Variants in AP3B2 observed in about 807,000 individuals in gnomAD.
The protein encoded by AP3B2 is adaptor related protein complex 3 subunit beta 2, also known as AP-3 complex subunit beta-2.
A neutral mutation model predicts 126.9 loss-of-function variants in AP3B2; 50 were observed. That is an observed-to-expected ratio of 0.39 (90% confidence interval 0.31 to 0.50). The LOEUF is 0.50. Among genes scored for constraint, AP3B2 ranks in the 20% least tolerant of loss-of-function variants. AP3B2 has a pLI of 0.79. For synonymous variants in AP3B2, 541 were observed against 565.0 expected (o/e 0.96, Z 0.60); for missense variants, 1,177 against 1,426.4 (o/e 0.83, Z 2.82).
At position 82,663,993 on chromosome 15, in the gene AP3B2, G is replaced by A; in HGVS notation, c.2262-18C>T. The A allele has an allele frequency of 2.5e-6, 4 of 1,597,674 alleles. No individual in the cohort carries two copies. The highest frequency in any genetic ancestry group is 2.5e-6 in the Non-Finnish European group (3 of 1,177,854). Reference sequence around the variant, plus strand: ...TCTGTTCACTGAAGGAGTGGGAAAGGTTGGCTCAGGCCTGGCCTGGACACT... The same window carrying A: ...TCTGTTCACTGAAGGAGTGGGAAAGATTGGCTCAGGCCTGGCCTGGACACT... On this transcript the variant is annotated intron_variant, in intron 19 of 26. Coordinates refer to ENST00000535359, the MANE Select transcript of AP3B2 (RefSeq NM_001278512.2).
chr15:82,701,968 T>A (rs150967219), intron 1 of AP3B2, among the ~76,000 whole-genome samples: 1 of 152,300 alleles, frequency 6.6e-6, no homozygotes, highest in Non-Finnish European at 1.5e-5. Context: ...GACCACTCCC[T>A]CCTTCTTGAA....
chr15:82,689,578 G>A, intron 1 of AP3B2, 125 bp from the exon 2 acceptor site: 2 of 788,716 alleles, frequency 2.5e-6, no homozygotes, highest in African/African-American at 1.7e-5. Flanking sequence ...ACCCGAGGAG[G>A]GACCAGAGCC....
Position 82,662,180 on chromosome 15 carries a change from T to G in AP3B2, c.2906A>C (p.Asn969Thr), listed in dbSNP as rs763629268. The stretch of plus-strand genomic sequence containing the variant: ...GTTGGGCACATACCACAGCTGGAAG[T>G]TGGCTGCCTGGGTTGAGTCACAGAA... The part of the protein sequence containing the change: ...INFCDSTQAA[N>T]FQLCTQTRQF... The change falls in exon 24 of 27, where the codon AAC becomes ACC. Residue 969 changes from asparagine to threonine, a missense_variant. By Grantham distance (65) the Asn-to-Thr change is moderately conservative (BLOSUM62 0). Transcript: ENST00000535359. The G allele has an allele frequency of 6.2e-7, 1 of 1,601,280 alleles. No individual in the cohort carries two copies.
At chr15:82,698,700 G>A (rs1181203728) in intron 1 of AP3B2, among the ~76,000 whole-genome samples, 3 of 152,034 alleles carry the variant, frequency 2.0e-5, no homozygotes, top group East Asian at 1.9e-4. Context: ...CTGGGCTTCC[G>A]TGGAAGGAGG....
intron 14 of AP3B2, among the ~76,000 whole-genome samples, chr15:82,674,760 C>G (rs910883873): frequency 1.3e-5 from 2 of 152,056 alleles, no homozygotes; most frequent in African/African-American, 4.8e-5. Context: ...GTGGACAGGC[C>G]CAGGCTTATG....
rs1031101674 is a variant in AP3B2, at chr15:82,709,640, C to T, written c.67G>A (p.Gly23Ser). 2.7e-5 allele frequency: 41 copies of T among 1,521,362 alleles called. No individual in the cohort carries two copies. The highest frequency in any genetic ancestry group is 3.6e-5 in the Non-Finnish European group (41 of 1,137,562). 94.2% of individuals were successfully genotyped at this position (1,521,362 alleles called of 1,614,324 possible). The change falls in exon 1 of 27, where the codon GGC becomes AGC. Residue 23 changes from glycine (G) to serine (S), a missense_variant. This residue lies in a region of AP3B2 where 49 missense variants were observed against 39.3 expected (regional missense o/e 1.25). Coordinates refer to ENST00000535359, the MANE Select transcript of AP3B2 (RefSeq NM_001278512.2). Reference sequence around the variant, plus strand: ...ATGCCGCCGCTCGCGGGGTCGTGGCCGTACTCGGGCTCCCCGGGGCCAGCG... The same window carrying T: ...ATGCCGCCGCTCGCGGGGTCGTGGCTGTACTCGGGCTCCCCGGGGCCAGCG... The part of the protein sequence containing the change: ...GSAGPGEPEY[G>S]HDPASGGIFS...
Position 82,680,569 on chromosome 15 carries a change from C to T in AP3B2, c.958G>A (p.Val320Met). 5 of 1,582,734 alleles carry T rather than the reference C, an allele frequency of 3.2e-6. No homozygotes were observed. The highest frequency in any genetic ancestry group is 3.4e-6 in the Non-Finnish European group (4 of 1,171,664). Residue 320 changes from valine to methionine, a missense_variant, in exon 8 of 27, where the codon GTG becomes ATG. Val to Met is a conservative substitution (Grantham distance 21, BLOSUM62 1). This residue lies in a region of AP3B2 where 308 missense variants were observed against 452.4 expected (regional missense o/e 0.68). Coordinates refer to ENST00000535359, the MANE Select transcript of AP3B2 (RefSeq NM_001278512.2). This position sits in a 1 kb window ranked among gnomAD's most constrained non-coding sequence, Gnocchi z 6.1. ...KPLLQSRSAA[V>M]VMAVAQLYFH... ...TAGAGCTGCGCCACCGCCATCACCA[C>T]CGCGGCGCTGCGGCTCTGCAGCAGG...
chr15:82,700,397 C>CTTTTTTTTTTTTTTTTTTTTTTTTG (rs1226910164), intron 1 of AP3B2, among the ~76,000 whole-genome samples: 1 of 35,086 alleles, frequency 2.9e-5, no homozygotes, highest in Non-Finnish European at 5.1e-5. Flanking sequence ...TGGTGGGTGG[C>CTTTTTTTTTTTTTTTTTTTTTTTTG]TTTTTTTTTT....
At position 82,680,598 on chromosome 15, in the gene AP3B2, T is replaced by A. The variant is rs2048321347; in HGVS notation, c.929A>T (p.Lys310Ile). Reference sequence around the variant, plus strand: ...GGCGCTGCGGCTCTGCAGCAGGGGTTTGGTGTTGCGCAGCAGCAGCCGGTG... The same window carrying A: ...GGCGCTGCGGCTCTGCAGCAGGGGTATGGTGTTGCGCAGCAGCAGCCGGTG... Reference protein sequence around the residue: ...PDHRLLLRNTKPLLQSRSAAV... With the variant: ...PDHRLLLRNTIPLLQSRSAAV... Residue 310 changes from lysine (K) to isoleucine (I), a missense_variant, in exon 8 of 27, where the codon AAA becomes ATA. By Grantham distance (102) the Lys-to-Ile change is moderately radical. Around this residue, in one of 5 missense-constraint regions of AP3B2, gnomAD observed 308 missense variants for 452.4 expected, o/e 0.68. Coordinates refer to ENST00000535359, the MANE Select transcript of AP3B2 (RefSeq NM_001278512.2). The surrounding 1 kb of genome is among the most constrained non-coding windows in gnomAD (Gnocchi z 6.1). 3 of 1,595,200 alleles carry A rather than the reference T, an allele frequency of 1.9e-6. No homozygotes were observed. Among genetic ancestry groups the A allele is most frequent in the Non-Finnish European group, 2.5e-6 (3 of 1,177,276 alleles).
At chr15:82,700,610 G>C (rs914415836) in intron 1 of AP3B2, among the ~76,000 whole-genome samples, 2 of 151,200 alleles carry the variant, frequency 1.3e-5, no homozygotes, top group African/African-American at 4.9e-5. Flanking sequence ...TGTTGGTCAG[G>C]CTGGTCTCAA....
intron 1 of AP3B2, among the ~76,000 whole-genome samples, chr15:82,694,297 G>C (rs1310177575): frequency 2.6e-5 from 4 of 152,200 alleles, no homozygotes; most frequent in African/African-American, 7.2e-5. Flanking sequence ...GAGCCACTGT[G>C]CCAGGCCTAG....
At position 82,663,262 on chromosome 15, in the gene AP3B2, G is replaced by A. The variant is rs760771805; in HGVS notation, c.2498-29C>T. On this transcript the variant is annotated intron_variant, in intron 21 of 26. Coordinates refer to ENST00000535359, the MANE Select transcript of AP3B2 (RefSeq NM_001278512.2). ...TGGGAGTAGATAAGACTATGAGGAGGCAAAGTGGAGGTGGCTTGGGTTGAG... is the reference window on the plus strand; with the variant it reads ...TGGGAGTAGATAAGACTATGAGGAGACAAAGTGGAGGTGGCTTGGGTTGAG... 5.8e-6 allele frequency: 9 copies of A among 1,559,290 alleles called. No individual in the cohort carries two copies. In the Admixed American group the frequency reaches 8.6e-5, roughly 15 times the overall value.
At chr15:82,669,473 C>G (rs1022011083) in intron 14 of AP3B2, among the ~76,000 whole-genome samples, 2 of 146,130 alleles carry the variant, frequency 1.4e-5, no homozygotes, top group Non-Finnish European at 3.0e-5. Flanking sequence ...GCAGGCAGAT[C>G]GTGAGATCAA....
chr15:82,682,261 C>G (rs991085424), intron 4 of AP3B2, among the ~76,000 whole-genome samples: 23 of 152,066 alleles, frequency 1.5e-4, no homozygotes, highest in African/African-American at 5.1e-4. Flanking sequence ...CCGTGTTGGC[C>G]AGGCTGGTCT....
intron 14 of AP3B2, among the ~76,000 whole-genome samples, chr15:82,669,002 A>G (rs529757778): frequency 2.6e-5 from 4 of 152,192 alleles, no homozygotes; most frequent in African/African-American, 4.8e-5. Context: ...CACATTACAC[A>G]TGAGTAAGTT....
chr15:82,684,121 T>C (rs147142090), intron 4 of AP3B2, among the ~76,000 whole-genome samples: 212 of 152,330 alleles, frequency 1.4e-3, no homozygotes, highest in African/African-American at 5.0e-3. Context: ...ACTAGCTGCA[T>C]TGGCCCCTAA....
In AP3B2 at chr15:82,709,641, G is replaced by A. The variant is rs1304104449; in HGVS notation, c.66C>T (p.Tyr22=). 1.3e-6 allele frequency: 2 copies of A among 1,520,632 alleles called. No individual in the cohort carries two copies. Among genetic ancestry groups the A allele is most frequent in the Non-Finnish European group, 1.8e-6 (2 of 1,137,168 alleles). The allele number at this position is 1,520,632 out of a possible 1,614,324, so 94.2% of individuals were successfully genotyped here. ...GGSAGPGEPE[Y]GHDPASGGIF... ...TGCCGCCGCTCGCGGGGTCGTGGCC[G>A]TACTCGGGCTCCCCGGGGCCAGCGG... Residue 22 remains tyrosine, a synonymous_variant, in exon 1 of 27, where the codon TAC becomes TAT. Coordinates refer to ENST00000535359, the MANE Select transcript of AP3B2 (RefSeq NM_001278512.2).
chr15:82,701,734 G>A (rs2048722553), intron 1 of AP3B2, among the ~76,000 whole-genome samples: 1 of 152,188 alleles, frequency 6.6e-6, no homozygotes, highest in Non-Finnish European at 1.5e-5. Context: ...ATATACATGT[G>A]TTCATTGTAT....
At chr15:82,682,583 A>G (rs1156369190) in intron 4 of AP3B2, among the ~76,000 whole-genome samples, 1 of 152,072 alleles carries the variant, frequency 6.6e-6, no homozygotes, top group African/African-American at 2.4e-5. Flanking sequence ...GGTGCATACA[A>G]GTTATGCTTA....
Sources: allele counts gnomAD v4.1 joint callset (sites outside exome capture counted in the v4.1 genomes callset), GRCh38; gene constraint gnomAD v4.1.1; regional missense constraint gnomAD v4.1.1; non-coding constraint Gnocchi (gnomAD v3.1); transcripts MANE v1.5; gene names NCBI Gene and HGNC (gene_info 2026-07-23, HGNC 2026-07-21).